ANK1: variants seen among roughly 807,000 people sequenced by gnomAD.
The protein encoded by ANK1 is ankyrin 1.
ANK1 carries 51 observed loss-of-function variants against 210.4 expected under a neutral mutation model. That is an observed-to-expected ratio of 0.24 (90% CI 0.19 to 0.31). The LOEUF (loss-of-function observed/expected upper bound fraction) is 0.31, where lower values mean the gene tolerates loss of function less well. Among genes scored for constraint, ANK1 ranks in the 10% least tolerant of loss-of-function variants. The pLI is 1.00. For missense variants in ANK1, 2,051 were observed against 2,504.4 expected (o/e 0.82, Z 3.86); for synonymous variants, 967 against 1,025.9 (o/e 0.94, Z 1.10).
rs769575836 is a variant in ANK1, at chr8:41,702,162, C to A, written c.2296-18G>T. 12 of 1,606,804 alleles carry A rather than the reference C, an allele frequency of 7.5e-6. No homozygotes were observed. The Admixed American group carries it at 1.8e-4, about 25-fold the overall frequency. On this transcript the variant is annotated intron_variant, in intron 20 of 42. Transcript: ENST00000289734. Reference sequence around the variant, plus strand: ...GTTCCATCCTGGGGAAAGAGCAGCCCGGGTGCAGTCAGACAGGGGATGGAG... The same window carrying A: ...GTTCCATCCTGGGGAAAGAGCAGCCAGGGTGCAGTCAGACAGGGGATGGAG...
intron 2 of ANK1, among the ~76,000 whole-genome samples, chr8:41,756,677 A>G (rs1839234812): frequency 6.6e-6 from 1 of 152,186 alleles, no homozygotes; most frequent in Non-Finnish European, 1.5e-5. Context: ...TGCTGAGCTC[A>G]GGTGATCCGC....
At chr8:41,879,326 T>A (rs1186982575) in intron 1 of ANK1, among the ~76,000 whole-genome samples, 3 of 152,152 alleles carry the variant, frequency 2.0e-5, no homozygotes, top group African/African-American at 7.2e-5. Context: ...GAAGGTGGCA[T>A]CTAGGTCAGG....
intron 37 of ANK1, among the ~76,000 whole-genome samples, chr8:41,675,345 C>T (rs1420383161): frequency 3.3e-5 from 5 of 152,222 alleles, no homozygotes; most frequent in African/African-American, 1.2e-4. Flanking sequence ...GATTCGCTTG[C>T]CTCAGCCTCC....
At chr8:41,882,029 G>A (rs915653407) in intron 1 of ANK1, among the ~76,000 whole-genome samples, 6 of 152,092 alleles carry the variant, frequency 3.9e-5, no homozygotes, top group Non-Finnish European at 7.3e-5. Context: ...ATCTGTCACC[G>A]CCTGCTTGTT....
intron 1 of ANK1, among the ~76,000 whole-genome samples, chr8:41,789,968 G>A (rs1847293465): frequency 6.6e-6 from 1 of 152,130 alleles, no homozygotes; most frequent in Non-Finnish European, 1.5e-5. Flanking sequence ...GCCAATTCCT[G>A]GGCTGAACCT....
At chr8:41,727,369 T>C in intron 4 of ANK1, 21 bp from the exon 5 acceptor site, 1 of 1,569,046 alleles carries the variant, frequency 6.4e-7, no homozygotes, top group Non-Finnish European at 8.8e-7. Context: ...AGAGAGGACA[T>C]CATTAGCATC....
At chr8:41,668,711 G>A in intron 38 of ANK1, 147 bp from the exon 39 acceptor site, 3 of 907,536 alleles carry the variant, frequency 3.3e-6, no homozygotes, top group Non-Finnish European at 4.9e-6. Flanking sequence ...CCCTCCAAAG[G>A]TCAGGGGCGC....
At chr8:41,854,053 C>A (rs1445445435) in intron 1 of ANK1, among the ~76,000 whole-genome samples, 1 of 152,194 alleles carries the variant, frequency 6.6e-6, no homozygotes, top group Non-Finnish European at 1.5e-5. Flanking sequence ...AGTATTTATT[C>A]ACTAATTAAT....
chr8:41,733,945 G>A (rs376230263), intron 3 of ANK1, 26 bp downstream of exon 3: 8 of 1,599,414 alleles, frequency 5.0e-6, no homozygotes, highest in Non-Finnish European at 6.0e-6. Flanking sequence ...TCAATGCAAA[G>A]CTCCCCCACT....
chr8:41,797,631 T>C, upstream of ANK1: 1 of 1,584,076 alleles, frequency 6.3e-7, no homozygotes. This position sits in a 1 kb window ranked among gnomAD's most constrained non-coding sequence, Gnocchi z 4.0. Flanking sequence ...CTGCGGGGCC[T>C]GTGACGTGCG....
chr8:41,754,965 G>T (rs1838739432), intron 2 of ANK1, among the ~76,000 whole-genome samples: 1 of 152,252 alleles, frequency 6.6e-6, no homozygotes, highest in Non-Finnish European at 1.5e-5. Flanking sequence ...GAATTAACCA[G>T]CAGCAAGGGG....
intron 1 of ANK1, among the ~76,000 whole-genome samples, chr8:41,785,656 C>T (rs760032364): frequency 1.2e-4 from 18 of 152,228 alleles, no homozygotes; most frequent in Non-Finnish European, 2.5e-4. Flanking sequence ...CCAACCACTG[C>T]TGCCCCTGCT....
intron 1 of ANK1, among the ~76,000 whole-genome samples, chr8:41,805,243 C>T (rs987613633): frequency 4.0e-5 from 6 of 150,920 alleles, no homozygotes; most frequent in Admixed American, 1.3e-4. Context: ...CTCTTTGTCT[C>T]TTTCTCTCTC....
intron 1 of ANK1, among the ~76,000 whole-genome samples, chr8:41,835,699 G>C (rs1331341651): frequency 6.6e-6 from 1 of 152,228 alleles, no homozygotes; most frequent in Non-Finnish European, 1.5e-5. Context: ...AAATAGTTGA[G>C]AAAAGGATTC....
intron 1 of ANK1, among the ~76,000 whole-genome samples, chr8:41,835,480 A>T (rs574974263): frequency 1.6e-4 from 24 of 149,238 alleles, no homozygotes; most frequent in African/African-American, 3.4e-4. Context: ...AAATTAAATT[A>T]AAAAAAAAAG....
At chr8:41,848,298 T>G (rs1810476857) in intron 1 of ANK1, among the ~76,000 whole-genome samples, 1 of 152,212 alleles carries the variant, frequency 6.6e-6, no homozygotes, top group Non-Finnish European at 1.5e-5. Context: ...ACCCAGTGAT[T>G]TTTTTCTATC....
intron 1 of ANK1, among the ~76,000 whole-genome samples, chr8:41,806,384 G>T (rs1304114908): frequency 6.6e-6 from 1 of 152,036 alleles, no homozygotes; most frequent in Admixed American, 6.6e-5. Context: ...ATAAAAAGGA[G>T]CAAGATAAAG....
intron 2 of ANK1, 28 bp downstream of exon 2, chr8:41,758,008 A>C: frequency 1.3e-6 from 2 of 1,588,616 alleles, no homozygotes; most frequent in South Asian, 2.2e-5. Context: ...CTCTTCAGAG[A>C]CAACAGGCCT....
chr8:41,671,008 T>C (rs1430914937), intron 38 of ANK1, among the ~76,000 whole-genome samples: 1 of 152,218 alleles, frequency 6.6e-6, no homozygotes, highest in Non-Finnish European at 1.5e-5. Context: ...TGTCTTGGCA[T>C]CCTTCCCTGC....
Sources: allele counts gnomAD v4.1 joint callset (sites outside exome capture counted in the v4.1 genomes callset), GRCh38; gene constraint gnomAD v4.1.1; non-coding constraint Gnocchi (gnomAD v3.1); transcripts MANE v1.5; gene names NCBI Gene and HGNC (gene_info 2026-07-23, HGNC 2026-07-21).